Variants in ANO4 observed in about 807,000 individuals in gnomAD.
ANO4 encodes the protein anoctamin-4.
ANO4 carries 69 observed loss-of-function variants against 141.9 expected under a neutral mutation model. The observed-to-expected ratio is 0.49, with a 90% CI of 0.40 to 0.59. ANO4 has a LOEUF of 0.59. ANO4 is among the 20% of genes least tolerant of loss of function. The probability of loss-of-function intolerance (pLI) is 0.00; values close to 1 mark genes in which losing one functional copy is unlikely to be tolerated. For missense variants in ANO4, 894 were observed against 1,162.2 expected (o/e 0.77, Z 3.36); for synonymous variants, 350 against 394.3 (o/e 0.89, Z 1.33).
rs193116376 is a variant in ANO4 at position 100,783,778 on chromosome 12, G to A, written c.358+43673G>A. On this transcript the variant is annotated intron_variant, in intron 3 of 29. Transcript: ENST00000644049. ...AATGATATTACTAGCCCACAACTGC[G>A]TTTCTTCACTTCAGAATGGTGATGT... Among the ~76,000 whole-genome samples the A allele has an allele frequency of 1.2e-4, 18 of 152,248 alleles. No homozygotes were observed. The South Asian group carries it at 2.5e-3, about 21-fold the overall frequency.
At chr12:100,955,344 TGTTGGTGTTGGCTGTCAGCTGAAAGCTCA>T (rs1356151252) in intron 5 of ANO4, among the ~76,000 whole-genome samples, 1 of 152,114 alleles carries the variant, frequency 6.6e-6, no homozygotes, top group Non-Finnish European at 1.5e-5. Context: ...ATGGCTGGAA[TGTTGGTGTTGGCTGTCAGCTGAAAGCTCA>T]GTCAGGGTTG....
chr12:101,089,560 G>T (rs2049664051), intron 17 of ANO4, among the ~76,000 whole-genome samples: 1 of 152,122 alleles, frequency 6.6e-6, no homozygotes, highest in Non-Finnish European at 1.5e-5. Flanking sequence ...AGCCATAGGT[G>T]AAATGTTTTG....
At chr12:101,032,409 T>G (rs1006257578) in intron 9 of ANO4, among the ~76,000 whole-genome samples, 17 of 152,266 alleles carry the variant, frequency 1.1e-4, no homozygotes, top group African/African-American at 4.1e-4. Context: ...ACCGCTTGCT[T>G]ACGTCTTATA....
At chr12:100,717,489 C>G (rs991535422), upstream of ANO4, 87 of 398,698 alleles carry the variant, frequency 2.2e-4, no homozygotes, top group Non-Finnish European at 2.6e-4. Flanking sequence ...CCGCTCTAGC[C>G]GACGCCCTGG....
At chr12:100,827,375 T>C (rs2036407821) in intron 1 of ANO4, among the ~76,000 whole-genome samples, 1 of 152,084 alleles carries the variant, frequency 6.6e-6, no homozygotes, top group African/African-American at 2.4e-5. Flanking sequence ...ATCTTTTTCA[T>C]TGATATTTTT....
At chr12:101,001,464 A>G (rs2045636651) in intron 8 of ANO4, among the ~76,000 whole-genome samples, 1 of 152,160 alleles carries the variant, frequency 6.6e-6, no homozygotes, top group Non-Finnish European at 1.5e-5. Context: ...ACCCTGAAAC[A>G]TAATTTTACA....
intron 1 of ANO4, among the ~76,000 whole-genome samples, chr12:100,863,627 A>G (rs912254478): frequency 3.9e-5 from 6 of 151,926 alleles, no homozygotes; most frequent in African/African-American, 7.2e-5. Context: ...AACTTAGTAT[A>G]TTATGTATTA....
intron 2 of ANO4, among the ~76,000 whole-genome samples, chr12:100,919,707 T>G (rs2041526053): frequency 8.4e-6 from 1 of 119,274 alleles, no homozygotes; most frequent in Admixed American, 8.2e-5. Flanking sequence ...TGTGTGTGTA[T>G]GTATGTATGT....
intron 1 of ANO4, among the ~76,000 whole-genome samples, chr12:100,856,394 C>T (rs2038173413): frequency 6.6e-6 from 1 of 152,034 alleles, no homozygotes; most frequent in African/African-American, 2.4e-5. Flanking sequence ...ACACTTGCTC[C>T]CTTTTTCAAG....
chr12:100,961,791 A>T (rs2043437219), intron 5 of ANO4, among the ~76,000 whole-genome samples: 1 of 152,176 alleles, frequency 6.6e-6, no homozygotes, highest in Admixed American at 6.5e-5. Context: ...TTATATTTTA[A>T]GTGTTTAATG....
chr12:100,954,011 T>G (rs2043079705), intron 5 of ANO4, among the ~76,000 whole-genome samples: 1 of 152,126 alleles, frequency 6.6e-6, no homozygotes, highest in African/African-American at 2.4e-5. Context: ...AGGCCCGACC[T>G]AGTTGCAAAC....
At chr12:100,947,016 G>GA (rs1315943799) in intron 5 of ANO4, among the ~76,000 whole-genome samples, 1 of 152,166 alleles carries the variant, frequency 6.6e-6, no homozygotes, top group Non-Finnish European at 1.5e-5. Context: ...TTTCAGTGGA[G>GA]AAGTCAGGGG....
intron 8 of ANO4, among the ~76,000 whole-genome samples, chr12:101,014,910 C>T (rs1002959742): frequency 1.3e-5 from 2 of 152,084 alleles, no homozygotes; most frequent in African/African-American, 4.8e-5. Flanking sequence ...GCTCACTATA[C>T]CCTCTAACTC....
At chr12:101,104,627 G>GTGTATATA (rs1297866922) in intron 22 of ANO4, among the ~76,000 whole-genome samples, 214 of 61,876 alleles carry the variant, frequency 3.5e-3, no homozygotes, top group South Asian at 5.7e-3. Flanking sequence ...ATGTATGTGT[G>GTGTATATA]TATATATATA....
chr12:100,839,125 G>A (rs140257170), intron 1 of ANO4, among the ~76,000 whole-genome samples: 28 of 152,076 alleles, frequency 1.8e-4, no homozygotes, highest in African/African-American at 6.5e-4. Flanking sequence ...TTTTCAAGAT[G>A]GACATCATTC....
chr12:100,797,631 C>G (rs2034415375), intron 1 of ANO4, among the ~76,000 whole-genome samples: 1 of 149,148 alleles, frequency 6.7e-6, no homozygotes, highest in Admixed American at 6.7e-5. Context: ...GGTGTAGATG[C>G]AGTTGATGCA....
chr12:100,987,066 G>A (rs879390557), intron 7 of ANO4: 2 of 156,050 alleles, frequency 1.3e-5, no homozygotes, highest in Non-Finnish European at 2.8e-5. Flanking sequence ...ATGGCATGGA[G>A]CTCTCTGCAC....
rs148578772 is a variant in ANO4, at chr12:101,032,034, T to G, written c.842-5061T>G. 9.2e-3 allele frequency among the ~76,000 whole-genome samples: 1,402 copies of G among 152,342 alleles called. 29 individuals are homozygous for G. The highest frequency in any genetic ancestry group is 0.032 in the African/African-American group (1,339 of 41,570). On this transcript the variant is annotated intron_variant, in intron 9 of 27. Coordinates refer to ENST00000392977, the MANE Select transcript of ANO4 (RefSeq NM_001286615.2). The stretch of plus-strand genomic sequence containing the variant: ...AAAGTAATTTATAGATTCAATGCTA[T>G]TCCCATCAAACTACCATTGACATTC...
chr12:100,739,296 GCCT>G (rs1484940105), intron 2 of ANO4, among the ~76,000 whole-genome samples: 1 of 151,870 alleles, frequency 6.6e-6, no homozygotes, highest in Non-Finnish European at 1.5e-5. Flanking sequence ...TCCCTAGAAA[GCCT>G]CCCTCCCCTG....
Sources: gnomAD v4.1 joint callset for allele counts (sites outside exome capture counted in the v4.1 genomes callset) on GRCh38, gnomAD v4.1.1 for gene constraint, MANE v1.5 for transcripts, NCBI Gene and HGNC (gene_info 2026-07-23, HGNC 2026-07-21) for gene names.